Variants in NRXN3 observed in about 807,000 individuals in gnomAD.
NRXN3 encodes neurexin 3.
In NRXN3, 32 loss-of-function variants were observed where a neutral mutation model predicts 137.6. The ratio of observed to expected loss-of-function variants is 0.23; its 90% confidence interval spans 0.18 to 0.31. The LOEUF (loss-of-function observed/expected upper bound fraction) is 0.31, where lower values mean the gene tolerates loss of function less well. Ranked by LOEUF, NRXN3 falls within the 10% of genes least tolerant of loss-of-function variation. NRXN3 has a pLI of 1.00. For synonymous variants in NRXN3, 798 were observed against 784.5 expected, an observed-to-expected ratio of 1.02 and a Z score of -0.29; for missense variants, 1,574 against 2,062.5, an observed-to-expected ratio of 0.76 and a Z score of 4.59.
At chr14:78,426,867 G>A (rs905209794) in intron 4 of NRXN3, among the ~76,000 whole-genome samples, 2 of 152,106 alleles carry the variant, frequency 1.3e-5, no homozygotes, top group Non-Finnish European at 2.9e-5. Flanking sequence ...CACAGACCAT[G>A]GGAACTGAGC....
At chr14:78,465,747 A>G (rs1438581656) in intron 4 of NRXN3, among the ~76,000 whole-genome samples, 1 of 151,182 alleles carries the variant, frequency 6.6e-6, no homozygotes, top group Admixed American at 6.6e-5. Flanking sequence ...GTTGGCCAAG[A>G]TGGTCTCAAT....
chr14:79,599,099 C>G (rs769327887), intron 16 of NRXN3, among the ~76,000 whole-genome samples: 1 of 152,114 alleles, frequency 6.6e-6, no homozygotes, highest in African/African-American at 2.4e-5. Flanking sequence ...TATTCAGTAC[C>G]GAGCTCCCTT....
chr14:79,616,073 AG>A (rs1000144777), intron 16 of NRXN3, among the ~76,000 whole-genome samples: 2 of 152,154 alleles, frequency 1.3e-5, no homozygotes, highest in African/African-American at 4.8e-5. Context: ...AGTCACACCA[AG>A]GAAGTTAGAG....
At chr14:79,333,898 T>C (rs966522811) in intron 15 of NRXN3, among the ~76,000 whole-genome samples, 7 of 152,204 alleles carry the variant, frequency 4.6e-5, no homozygotes, top group Admixed American at 1.3e-4. Flanking sequence ...TCTCTTCATG[T>C]TGCCATCTCT....
At chr14:78,217,386 A>G (rs1168201575) in intron 1 of NRXN3, among the ~76,000 whole-genome samples, 1 of 152,164 alleles carries the variant, frequency 6.6e-6, no homozygotes, top group Non-Finnish European at 1.5e-5. Context: ...CAACCAGGAC[A>G]GTTTTGGGGG....
At chr14:79,074,085 T>TAACACATTACCTTCC (rs2099691969) in intron 15 of NRXN3, among the ~76,000 whole-genome samples, 1 of 152,214 alleles carries the variant, frequency 6.6e-6, no homozygotes, top group Non-Finnish European at 1.5e-5. Context: ...ACATCGTAGG[T>TAACACATTACCTTCC]ACACAATGAA....
chr14:79,391,597 C>T (rs1195266350), intron 15 of NRXN3, among the ~76,000 whole-genome samples: 2 of 152,114 alleles, frequency 1.3e-5, no homozygotes, highest in Non-Finnish European at 2.9e-5. Flanking sequence ...TCATAAATAT[C>T]GTAAAACTAA....
intron 16 of NRXN3, among the ~76,000 whole-genome samples, chr14:79,579,375 A>G (rs1352506440): frequency 1.4e-5 from 2 of 146,730 alleles, no homozygotes; most frequent in Admixed American, 1.4e-4. Flanking sequence ...TATAATATAT[A>G]TATAATTTCA....
At chr14:78,550,417 G>A (rs11159371) in intron 4 of NRXN3, among the ~76,000 whole-genome samples, 104,170 of 151,840 alleles carry the variant, frequency 0.69, 35,953 homozygotes, top group East Asian at 0.72. Flanking sequence ...GGTGCAATAT[G>A]GGAGTTGGTG....
chr14:78,647,726 A>C (rs1451961695), intron 5 of NRXN3, among the ~76,000 whole-genome samples: 2 of 152,244 alleles, frequency 1.3e-5, no homozygotes, highest in Non-Finnish European at 2.9e-5. Flanking sequence ...TTGAAAGAGG[A>C]AAATCTCTGA....
chr14:79,199,354 C>T (rs1212171825), intron 15 of NRXN3, among the ~76,000 whole-genome samples: 2 of 152,062 alleles, frequency 1.3e-5, no homozygotes, highest in African/African-American at 4.8e-5. Context: ...TGAATAAAAT[C>T]TACTAGTCCT....
At chr14:79,584,195 C>T (rs2153814033) in intron 16 of NRXN3, among the ~76,000 whole-genome samples, 1 of 152,242 alleles carries the variant, frequency 6.6e-6, no homozygotes, top group South Asian at 2.1e-4. Context: ...CTCCTAGCCC[C>T]CAGGCCCCAT....
chr14:79,861,065 G>T lies in NRXN3; in HGVS notation c.4094-277G>T, dbSNP rs2099413040. 7.1e-7 allele frequency: 1 copy of T among 1,418,218 alleles called. No homozygotes were observed. Among genetic ancestry groups the T allele is most frequent in the African/African-American group, 1.4e-5 (1 of 69,366 alleles). The allele number at this position is 1,418,218 out of a possible 1,614,324, so 87.9% of individuals were successfully genotyped here. A position where few individuals can be genotyped will look rare whatever the true frequency, so the allele number is the denominator to read the frequency against. ...AGGTGAATTAGTTATCCCTCTTCTT[G>T]TAGAAGACCCTTTAGCTACCCCTCC... On this transcript the variant is annotated intron_variant, in intron 20 of 20. Coordinates refer to ENST00000335750, the MANE Select transcript of NRXN3 (RefSeq NM_001330195.2). This position sits in a 1 kb window ranked among gnomAD's most constrained non-coding sequence, Gnocchi z 5.4.
At chr14:78,869,252 A>G (rs1341227042) in intron 10 of NRXN3, among the ~76,000 whole-genome samples, 1 of 152,048 alleles carries the variant, frequency 6.6e-6, no homozygotes, top group African/African-American at 2.4e-5. Context: ...ACCTTTAACC[A>G]TTTCTCTTCT....
intron 16 of NRXN3, among the ~76,000 whole-genome samples, chr14:79,546,974 T>C (rs1601922086): frequency 6.6e-6 from 1 of 152,160 alleles, no homozygotes; most frequent in Non-Finnish European, 1.5e-5. Flanking sequence ...GGAAAAGCTC[T>C]GATTATTGCC....
intron 1 of NRXN3, among the ~76,000 whole-genome samples, chr14:78,196,796 C>A (rs2061270790): frequency 1.3e-5 from 2 of 152,202 alleles, no homozygotes; most frequent in Non-Finnish European, 2.9e-5. Flanking sequence ...ATCTTAGTTA[C>A]ACGGGAGAAG....
intron 2 of NRXN3, among the ~76,000 whole-genome samples, chr14:78,277,062 T>C (rs533002988): frequency 6.6e-6 from 1 of 152,266 alleles, no homozygotes; most frequent in South Asian, 2.1e-4. Context: ...AGAAGTTTCT[T>C]TGGGCAGATA....
intron 19 of NRXN3, among the ~76,000 whole-genome samples, chr14:79,714,383 C>CA: frequency 6.6e-6 from 1 of 152,252 alleles, no homozygotes; most frequent in African/African-American, 2.4e-5. Context: ...AGGATGTTCC[C>CA]AGGGCTATTT....
chr14:78,690,289 G>A (rs2098160317), intron 6 of NRXN3, among the ~76,000 whole-genome samples: 1 of 152,200 alleles, frequency 6.6e-6, no homozygotes, highest in Non-Finnish European at 1.5e-5. Flanking sequence ...ATAGCAGTGT[G>A]AGGAAGTAGA....
Sources: allele counts gnomAD v4.1 joint callset (sites outside exome capture counted in the v4.1 genomes callset), GRCh38; gene constraint gnomAD v4.1.1; non-coding constraint Gnocchi (gnomAD v3.1); transcripts MANE v1.5; gene names NCBI Gene and HGNC (gene_info 2026-07-23, HGNC 2026-07-21).